The following KCNMB2 variants were observed in gnomAD, a reference collection of about 807,000 sequenced individuals.
KCNMB2 encodes potassium calcium-activated channel subfamily M regulatory beta subunit 2, also known as calcium-activated potassium channel subunit beta-2.
A neutral mutation model predicts 24.5 loss-of-function variants in KCNMB2; 9 were observed. That is an observed-to-expected ratio of 0.37 (90% CI 0.22 to 0.64). The LOEUF (loss-of-function observed/expected upper bound fraction) is 0.64. Among genes scored for constraint, KCNMB2 ranks in the 30% least tolerant of loss-of-function variants. The pLI is 0.63. For missense variants in KCNMB2, 226 were observed against 284.3 expected, an observed-to-expected ratio of 0.79 and a Z score of 1.47; for synonymous variants, 109 against 104.4, an observed-to-expected ratio of 1.04 and a Z score of -0.27.
chr3:178,581,164 C>G (rs1319968122), intron 1 of KCNMB2, among the ~76,000 whole-genome samples: 1 of 152,150 alleles, frequency 6.6e-6, no homozygotes, highest in East Asian at 1.9e-4. Context: ...GGTACCAAAA[C>G]AGAGAGATAG....
chr3:178,836,408 A>C (rs1444999481), intron 4 of KCNMB2, among the ~76,000 whole-genome samples: 2 of 152,190 alleles, frequency 1.3e-5, no homozygotes, highest in Admixed American at 6.6e-5. Flanking sequence ...AAGGATGATC[A>C]GAAGACATTG....
intron 1 of KCNMB2, among the ~76,000 whole-genome samples, chr3:178,768,436 T>C (rs1389545612): frequency 1.3e-5 from 2 of 152,130 alleles, no homozygotes; most frequent in Non-Finnish European, 2.9e-5. Flanking sequence ...ATGATAAATA[T>C]TTATACATGA....
chr3:178,645,653 G>A (rs1719893958), intron 1 of KCNMB2, among the ~76,000 whole-genome samples: 1 of 152,068 alleles, frequency 6.6e-6, no homozygotes, highest in Admixed American at 6.5e-5. Flanking sequence ...GGTGCTCCTG[G>A]ATCAGTGTTA....
At chr3:178,654,232 A>G (rs1720238438) in intron 1 of KCNMB2, among the ~76,000 whole-genome samples, 1 of 152,124 alleles carries the variant, frequency 6.6e-6, no homozygotes, top group African/African-American at 2.4e-5. Context: ...TTATTTTTAA[A>G]AATTAGCCTT....
intron 1 of KCNMB2, among the ~76,000 whole-genome samples, chr3:178,674,387 C>G (rs1721004045): frequency 6.6e-6 from 1 of 152,148 alleles, no homozygotes; most frequent in Non-Finnish European, 1.5e-5. Context: ...TTCCTCCAAG[C>G]CTATTTCACC....
intron 1 of KCNMB2, among the ~76,000 whole-genome samples, chr3:178,802,995 T>A (rs1195331815): frequency 6.6e-6 from 1 of 152,126 alleles, no homozygotes; most frequent in African/African-American, 2.4e-5. Context: ...GAAAAAAGAG[T>A]AAACTATTGG....
intron 1 of KCNMB2, among the ~76,000 whole-genome samples, chr3:178,588,152 T>C (rs1233530950): frequency 1.3e-5 from 2 of 152,198 alleles, no homozygotes; most frequent in South Asian, 2.1e-4. Context: ...ACAGAGCACC[T>C]GTACAACATC....
At chr3:178,757,421 T>C (rs1344073116) in intron 1 of KCNMB2, among the ~76,000 whole-genome samples, 3 of 64,640 alleles carry the variant, frequency 4.6e-5, no homozygotes, top group Admixed American at 2.0e-4. Context: ...GATATATATA[T>C]ATGTATATAT....
chr3:178,799,958 G>A (rs908551290), intron 1 of KCNMB2, among the ~76,000 whole-genome samples: 5 of 152,074 alleles, frequency 3.3e-5, no homozygotes, highest in African/African-American at 1.2e-4. Context: ...ATGGTGCTGG[G>A]AAAACTAAAT....
chr3:178,739,635 C>G (rs1723429449), intron 1 of KCNMB2, among the ~76,000 whole-genome samples: 1 of 152,166 alleles, frequency 6.6e-6, no homozygotes, highest in Non-Finnish European at 1.5e-5. Flanking sequence ...GAAGCTAAAT[C>G]TCTCTGACCT....
In KCNMB2 at chr3:178,568,793, AGATAGATAGATAGATAGATAGAT is replaced by A. The variant is rs1248353342; in HGVS notation, c.-68+32083_-68+32105del. ...ATAGATGATAGATAGATAGATAGAT[AGATAGATAGATAGATAGATAGAT>A]AATAGATAGATAGATGATAGATAGA... On this transcript the variant is annotated intron_variant, in intron 1 of 4. Transcript: ENST00000452583. 2.2e-3 allele frequency among the ~76,000 whole-genome samples: 220 copies of A among 101,858 alleles called. 1 individual carries two copies. The highest frequency in any genetic ancestry group is 7.8e-3 in the African/African-American group (153 of 19,520). 66.8% of individuals were successfully genotyped at this position (101,858 alleles called of 152,430 possible). A position where few individuals can be genotyped will look rare whatever the true frequency, so the allele number is the denominator to read the frequency against.
chr3:178,623,360 T>A (rs979563797), intron 1 of KCNMB2, among the ~76,000 whole-genome samples: 77 of 152,212 alleles, frequency 5.1e-4, no homozygotes, highest in African/African-American at 1.5e-3. Flanking sequence ...GTAGGTATTC[T>A]CTCTCCCTAT....
At chr3:178,679,858 T>C (rs1480157383) in intron 1 of KCNMB2, among the ~76,000 whole-genome samples, 1 of 152,086 alleles carries the variant, frequency 6.6e-6, no homozygotes, top group East Asian at 1.9e-4. Context: ...TTTTTGTATA[T>C]ATTTCCCTTA....
intron 1 of KCNMB2, among the ~76,000 whole-genome samples, chr3:178,706,443 C>G (rs1722280347): frequency 6.6e-6 from 1 of 151,680 alleles, no homozygotes; most frequent in African/African-American, 2.4e-5. Flanking sequence ...TAGAAATAAC[C>G]ACATTTGGAG....
At chr3:178,606,335 G>T (rs1157352963) in intron 1 of KCNMB2, among the ~76,000 whole-genome samples, 1 of 152,096 alleles carries the variant, frequency 6.6e-6, no homozygotes, top group African/African-American at 2.4e-5. Context: ...TCCATAGAGA[G>T]GTACCTCCCC....
At chr3:178,573,833 T>G (rs1010677054) in intron 1 of KCNMB2, among the ~76,000 whole-genome samples, 2 of 151,770 alleles carry the variant, frequency 1.3e-5, no homozygotes, top group Non-Finnish European at 2.9e-5. Flanking sequence ...GATAAACTGC[T>G]TTCTACACGT....
chr3:178,829,537 A>T (rs1476683806), intron 4 of KCNMB2, among the ~76,000 whole-genome samples: 1 of 152,190 alleles, frequency 6.6e-6, no homozygotes, highest in Non-Finnish European at 1.5e-5. Context: ...TTTCATTTGT[A>T]GTAGCCACAA....
At chr3:178,706,105 A>G (rs76444070) in intron 1 of KCNMB2, among the ~76,000 whole-genome samples, 4,899 of 152,172 alleles carry the variant, frequency 0.032, 206 homozygotes, top group East Asian at 0.18. Context: ...TAACCACTCC[A>G]AGACATGCAC....
rs1403214550 is a variant in KCNMB2 at position 178,579,556 on chromosome 3, C to T, written c.-68+42845C>T. Reference sequence around the variant, plus strand: ...GAAGGAGATAGAGACATGAAAAACCCTTCAAAAAATCAAAGAATCCATGAG... The same window carrying T: ...GAAGGAGATAGAGACATGAAAAACCTTTCAAAAAATCAAAGAATCCATGAG... On this transcript the variant is annotated intron_variant, in intron 1 of 4. Transcript: ENST00000452583. Among the ~76,000 whole-genome samples, 4 of 151,990 alleles carry T rather than the reference C, an allele frequency of 2.6e-5. No individual in the cohort carries two copies. The East Asian group carries it at 7.7e-4, about 29-fold the overall frequency.
Sources: gnomAD v4.1 joint callset for allele counts (sites outside exome capture counted in the v4.1 genomes callset) on GRCh38, gnomAD v4.1.1 for gene constraint, MANE v1.5 for transcripts, NCBI Gene and HGNC (gene_info 2026-07-23, HGNC 2026-07-21) for gene names.